The following GLRX variants were observed in gnomAD, a reference collection of about 807,000 sequenced individuals.
GLRX encodes glutaredoxin-1.
Under a neutral mutation model 11.1 loss-of-function variants are expected in GLRX, and 9 were observed. The observed-to-expected ratio is 0.81, with a 90% CI of 0.49 to 1.42. The LOEUF (loss-of-function observed/expected upper bound fraction) is 1.42. Ranked by LOEUF, GLRX falls within the 40% of genes most tolerant of loss-of-function variation. The pLI, the probability that GLRX is intolerant of heterozygous loss-of-function variation, is 0.00. For missense variants in GLRX, 102 were observed against 126.2 expected (o/e 0.81, Z 0.92); for synonymous variants, 49 against 49.5 (o/e 0.99, Z 0.04).
intron 1 of GLRX, 79 bp from the exon 2 acceptor site, chr5:95,816,705 C>T: frequency 1.2e-6 from 1 of 800,718 alleles, no homozygotes; most frequent in Non-Finnish European, 2.2e-6. Context: ...TAAATATTTC[C>T]CGTGATTCCA....
Position 95,822,617 on chromosome 5 carries a change from C to T in GLRX, c.46G>A (p.Val16Ile). 1 of 1,613,946 alleles carries T rather than the reference C, an allele frequency of 6.2e-7. No individual in the cohort carries two copies. The highest frequency in any genetic ancestry group is 2.2e-5 in the East Asian group (1 of 44,886). ...VNCKIQPGKV[V>I]VFIKPTCPYC... is the part of the protein sequence containing the mutation. ...GGGCAGGTGGGCTTGATGAACACAACCACCTTCCCAGGCTGGATTTTGCAG... is the reference window on the plus strand; with the variant it reads ...GGGCAGGTGGGCTTGATGAACACAATCACCTTCCCAGGCTGGATTTTGCAG... The change falls in exon 1 of 3, where the codon GTT (valine) becomes ATT (isoleucine). Residue 16 changes from valine to isoleucine, a missense_variant. Transcript: ENST00000237858.
At position 95,822,694 on chromosome 5, in the gene GLRX, C is replaced by A; in HGVS notation, c.-32G>T. ...GGGCTGCGGTCTCCCCGGGAAGAATCCTCAGTTGCAGGTATTGCTTGGGGT... is the reference window on the plus strand; with the variant it reads ...GGGCTGCGGTCTCCCCGGGAAGAATACTCAGTTGCAGGTATTGCTTGGGGT... On this transcript the variant is annotated 5_prime_UTR_variant, in exon 1 of 3. Transcript: ENST00000237858. 6.3e-7 allele frequency: 1 copy of A among 1,586,578 alleles called. No individual in the cohort carries two copies. Among genetic ancestry groups the A allele is most frequent in the Non-Finnish European group, 8.6e-7 (1 of 1,156,096 alleles).
At chr5:95,815,397 C>G (rs1222814861) in intron 2 of GLRX, among the ~76,000 whole-genome samples, 2 of 152,216 alleles carry the variant, frequency 1.3e-5, no homozygotes, top group Non-Finnish European at 2.9e-5. Context: ...TATTTCATTT[C>G]AGAGAAATCA....
At chr5:95,820,691 CAA>C (rs60659232) in intron 1 of GLRX, among the ~76,000 whole-genome samples, 12 of 106,194 alleles carry the variant, frequency 1.1e-4, no homozygotes, top group Admixed American at 2.8e-4. Context: ...AATTCCATCT[CAA>C]AAAAAAAAAA....
rs1316433678 is a variant in GLRX, at chr5:95,813,984, A to G, written c.*412T>C. ...TTGGACAAAAATCACTGAATCATCT[A>G]TAGGTTTTTTTTATTAGAAAAGAAA... On this transcript the variant is annotated 3_prime_UTR_variant, in exon 3 of 3. Coordinates refer to ENST00000237858, the MANE Select transcript of GLRX (RefSeq NM_001118890.2). The G allele has an allele frequency of 6.7e-6, 1 of 150,194 alleles. No individual in the cohort carries two copies. Among genetic ancestry groups the G allele is most frequent in the Non-Finnish European group, 1.5e-5 (1 of 66,714 alleles). 9.3% of individuals were successfully genotyped at this position (150,194 alleles called of 1,614,324 possible).
chr5:95,821,301 G>T (rs1747226805), intron 1 of GLRX, among the ~76,000 whole-genome samples: 1 of 152,160 alleles, frequency 6.6e-6, no homozygotes, highest in Admixed American at 6.5e-5. Context: ...TGTTTGCACT[G>T]CCCTTTACAC....
rs1389825182 is a variant in GLRX, at chr5:95,822,564, G to A, written c.99C>T (p.Leu33=). ...CPYCRRAQEI[L]SQLPIKQGLL... ...GCCCTTGTTTGATGGGCAATTGACT[G>A]AGGATCTCTTGGGCCCTCCTGCAGT... The change falls in exon 1 of 3, where the codon CTC becomes CTT. Residue 33 remains leucine, a synonymous_variant. Coordinates refer to ENST00000237858, the MANE Select transcript of GLRX (RefSeq NM_001118890.2). 5.0e-6 allele frequency: 8 copies of A among 1,613,736 alleles called. No individual in the cohort carries two copies. The South Asian group carries it at 8.8e-5, about 18-fold the overall frequency.
chr5:95,822,402 G>T, intron 1 of GLRX, 54 bp downstream of exon 1: 1 of 1,405,044 alleles, frequency 7.1e-7, no homozygotes, highest in Non-Finnish European at 1.0e-6. Flanking sequence ...GCACAGCTCT[G>T]ACAAGAAAAG....
chr5:95,818,601 G>C (rs1334243837), intron 1 of GLRX: 1 of 152,172 alleles, frequency 6.6e-6, no homozygotes, highest in Non-Finnish European at 1.5e-5. Context: ...AACACTCCTC[G>C]GCTACCTCCC....
intron 1 of GLRX, chr5:95,822,161 T>G (rs1374810971): frequency 8.7e-6 from 4 of 458,392 alleles, no homozygotes; most frequent in Non-Finnish European, 1.2e-5. Context: ...AAACAAAGAC[T>G]CTAGATAATT....
At chr5:95,818,670 C>G (rs1433240971) in intron 1 of GLRX, 1 of 152,436 alleles carries the variant, frequency 6.6e-6, no homozygotes, top group Non-Finnish European at 1.5e-5. Flanking sequence ...CAATGTCTCC[C>G]AGCTTCAACC....
In GLRX at chr5:95,822,498, G is replaced by C. The variant is rs980592737; in HGVS notation, c.165C>G (p.Asn55Lys). The change falls in exon 1 of 3, where the codon AAC becomes AAG. Residue 55 changes from asparagine (N) to lysine (K), a missense_variant. By Grantham distance (94) the Asn-to-Lys change is moderately conservative (BLOSUM62 0). Transcript: ENST00000237858. ...FVDITATNHT[N>K]EIQDYLQQLT... Reference sequence around the variant, plus strand: ...GCTGTTGCAAATAATCTTGAATCTCGTTAGTGTGGTTGGTGGCTGTGATAT... The same window carrying C: ...GCTGTTGCAAATAATCTTGAATCTCCTTAGTGTGGTTGGTGGCTGTGATAT... 1.2e-6 allele frequency: 2 copies of C among 1,613,818 alleles called. No individual in the cohort carries two copies. The highest frequency in any genetic ancestry group is 2.7e-5 in the African/African-American group (2 of 74,920).
At chr5:95,816,048 T>C (rs1473551201) in intron 2 of GLRX, among the ~76,000 whole-genome samples, 2 of 152,218 alleles carry the variant, frequency 1.3e-5, no homozygotes, top group Non-Finnish European at 2.9e-5. Flanking sequence ...AAAGCTCTTC[T>C]GCTTCATCTC....
intron 2 of GLRX, chr5:95,816,284 T>A (rs1746990172): frequency 2.0e-6 from 1 of 491,416 alleles, no homozygotes. Context: ...GGCACATGCT[T>A]AATAAATATT....
intron 1 of GLRX, among the ~76,000 whole-genome samples, chr5:95,821,469 G>A (rs1747234180): frequency 1.3e-5 from 1 of 79,416 alleles, no homozygotes; most frequent in East Asian, 5.4e-4. Context: ...TTAGAGAGAA[G>A]GGGAGAGAAA....
chr5:95,821,373 G>A (rs1457064876), intron 1 of GLRX, among the ~76,000 whole-genome samples: 5 of 152,026 alleles, frequency 3.3e-5, no homozygotes, highest in Admixed American at 6.6e-5. Context: ...AGCTTCTCTC[G>A]TCATTGTGTA....
rs1747287122 is a variant in GLRX at position 95,822,573 on chromosome 5, T to C, written c.90A>G (p.Gln30=). The change falls in exon 1 of 3, where the codon CAA becomes CAG. Residue 30 remains glutamine (Q), a synonymous_variant. Coordinates refer to ENST00000237858, the MANE Select transcript of GLRX (RefSeq NM_001118890.2). Reference sequence around the variant, plus strand: ...TGATGGGCAATTGACTGAGGATCTCTTGGGCCCTCCTGCAGTACGGGCAGG... The same window carrying C: ...TGATGGGCAATTGACTGAGGATCTCCTGGGCCCTCCTGCAGTACGGGCAGG... ...KPTCPYCRRA[Q]EILSQLPIKQ... is the part of the protein sequence containing the mutation. The C allele has an allele frequency of 1.2e-6, 2 of 1,613,856 alleles. No individual in the cohort carries two copies. The highest frequency in any genetic ancestry group is 1.7e-6 in the Non-Finnish European group (2 of 1,179,748).
At chr5:95,817,585 T>TA (rs1330792982) in intron 1 of GLRX, 3 of 152,252 alleles carry the variant, frequency 2.0e-5, no homozygotes, top group Admixed American at 2.0e-4. Flanking sequence ...CCTCTCTAGT[T>TA]ACACACTTCC....
At chr5:95,818,470 C>T (rs74587548) in intron 1 of GLRX, 13,413 of 152,260 alleles carry the variant, frequency 0.088, 788 homozygotes, top group Middle Eastern at 0.17. Context: ...CACCCCAAAA[C>T]GAGTTTGGTA....
Sources: gnomAD v4.1 joint callset for allele counts (sites outside exome capture counted in the v4.1 genomes callset) on GRCh38, gnomAD v4.1.1 for gene constraint, MANE v1.5 for transcripts, NCBI Gene and HGNC (gene_info 2026-07-23, HGNC 2026-07-21) for gene names.